MID2: variants seen among roughly 807,000 people sequenced by gnomAD.
The protein encoded by MID2 is probable E3 ubiquitin-protein ligase MID2.
In MID2, 13 loss-of-function variants were observed where a neutral mutation model predicts 46.1. The observed-to-expected ratio is 0.28, with a 90% confidence interval of 0.18 to 0.45. The LOEUF (loss-of-function observed/expected upper bound fraction) is 0.45. Among genes scored for constraint, MID2 ranks in the 20% least tolerant of loss-of-function variants. MID2 has a pLI of 1.00. For missense variants in MID2, 431 were observed against 575.4 expected, an observed-to-expected ratio of 0.75 and a Z score of 2.57; for synonymous variants, 199 against 212.3, an observed-to-expected ratio of 0.94 and a Z score of 0.55.
At chrX:107,841,406 C>G (rs1436760711) in intron 2 of MID2, 21 bp downstream of exon 2, 2 of 1,101,170 alleles carry the variant, frequency 1.8e-6, no homozygotes, top group Non-Finnish European at 2.5e-6. Flanking sequence ...TGGGGAGCAT[C>G]CCCTATACAA....
intron 3 of MID2, among the ~76,000 whole-genome samples, chrX:107,878,164 G>A (rs1356718362): frequency 9.0e-6 from 1 of 111,400 alleles, no homozygotes; most frequent in African/African-American, 3.3e-5. Flanking sequence ...GGGAGGGGAC[G>A]GTGAGTGGGA....
chrX:107,892,159 T>G (rs1932619895), intron 3 of MID2, among the ~76,000 whole-genome samples: 2 of 111,171 alleles, frequency 1.8e-5, no homozygotes, highest in Admixed American at 1.9e-4. Flanking sequence ...GTACAGAGAG[T>G]GGCTAAATGC....
At chrX:107,906,863 G>A in intron 5 of MID2, among the ~76,000 whole-genome samples, 1 of 112,573 alleles carries the variant, frequency 8.9e-6, no homozygotes, top group Non-Finnish European at 1.9e-5. Context: ...TGGGATTACA[G>A]GCGTGAGCCA....
chrX:107,829,981 T>C (rs1931056126), intron 1 of MID2, among the ~76,000 whole-genome samples: 1 of 112,101 alleles, frequency 8.9e-6, no homozygotes, highest in Non-Finnish European at 1.9e-5. Context: ...GATCCTAAAG[T>C]GGTGCCAGTG....
intron 2 of MID2, among the ~76,000 whole-genome samples, chrX:107,841,911 A>G: frequency 8.9e-6 from 1 of 112,588 alleles, no homozygotes; most frequent in East Asian, 2.8e-4. Flanking sequence ...TACTCAATAC[A>G]CTAAAGAAAC....
intron 3 of MID2, among the ~76,000 whole-genome samples, chrX:107,876,792 T>G (rs1202150393): frequency 8.9e-6 from 1 of 112,209 alleles, no homozygotes; most frequent in African/African-American, 3.2e-5. Flanking sequence ...AAAGCCTCTA[T>G]ACAACTGTCA....
intron 5 of MID2, among the ~76,000 whole-genome samples, chrX:107,908,241 T>C (rs955530020): frequency 5.3e-5 from 6 of 112,250 alleles, no homozygotes; most frequent in African/African-American, 1.6e-4. Flanking sequence ...TTCTGCAAAT[T>C]TGGACTTTTT....
intron 6 of MID2, 139 bp downstream of exon 6, chrX:107,916,268 C>G: frequency 2.0e-6 from 1 of 497,094 alleles, no homozygotes; most frequent in Non-Finnish European, 2.9e-6. Context: ...TCTTTTCAGA[C>G]AGAATATATT....
At position 107,840,720 on chromosome X, in the gene MID2, CTA is replaced by C; in HGVS notation, c.56_57del (p.Leu19GlnfsTer8). 2 of 1,211,731 alleles carry C rather than the reference CTA, an allele frequency of 1.7e-6. No individual in the cohort carries two copies. Among genetic ancestry groups the C allele is most frequent in the Non-Finnish European group, 2.2e-6 (2 of 895,469 alleles). ...VLNASGGLFS[L>X]KMETLESELT... ...TAATGCCTCAGGAGGACTATTTTCACTAAAGATGGAAACACTGGAGTCTGAAT... is the reference window on the plus strand; with the variant it reads ...TAATGCCTCAGGAGGACTATTTTCACAAGATGGAAACACTGGAGTCTGAAT... On this transcript the variant is annotated frameshift_variant, in exon 2 of 10. Transcript: ENST00000262843. LOFTEE classifies it high-confidence loss of function.
chrX:107,884,753 A>T (rs1254618137), intron 3 of MID2, among the ~76,000 whole-genome samples: 2 of 112,498 alleles, frequency 1.8e-5, no homozygotes. Flanking sequence ...TTGGCCTTGG[A>T]GTTAGGATGC....
rs1428231240 is a variant in MID2, at chrX:107,826,325, C to T, written c.-102C>T. The T allele has an allele frequency of 5.8e-5, 58 of 999,012 alleles. No homozygotes were observed. The highest frequency in any genetic ancestry group is 7.1e-5 in the Non-Finnish European group (54 of 761,428). The allele number at this position is 999,012 out of a possible 1,213,427, so 82.3% of individuals were successfully genotyped here. ...GTAGCGGCGGCGGCGGCGACCGGGG[C>T]CCGGGAGCTCGCGCCGGAGCCCGAG... On this transcript the variant is annotated 5_prime_UTR_variant, in exon 1 of 10. Coordinates refer to ENST00000262843, the MANE Select transcript of MID2 (RefSeq NM_012216.4).
intron 4 of MID2, among the ~76,000 whole-genome samples, chrX:107,904,675 A>G (rs1932821515): frequency 8.9e-6 from 1 of 112,044 alleles, no homozygotes; most frequent in Non-Finnish European, 1.9e-5. Flanking sequence ...GATAGGAAAC[A>G]TTGAACTTTT....
intron 1 of MID2, among the ~76,000 whole-genome samples, chrX:107,835,711 T>A (rs766284360): frequency 2.7e-5 from 3 of 112,147 alleles, no homozygotes; most frequent in Non-Finnish European, 5.6e-5. Flanking sequence ...GTTACTCATC[T>A]TTTTTAATCT....
chrX:107,842,972 C>T (rs1931382040), intron 2 of MID2, among the ~76,000 whole-genome samples: 1 of 112,138 alleles, frequency 8.9e-6, no homozygotes, highest in Non-Finnish European at 1.9e-5. Flanking sequence ...CTGTAGCCGG[C>T]TGCCACTTTG....
intron 1 of MID2, among the ~76,000 whole-genome samples, chrX:107,836,137 G>C (rs1256161719): frequency 8.9e-6 from 1 of 112,374 alleles, no homozygotes. Context: ...CCATCGAATG[G>C]TCTTGGAACC....
chrX:107,881,757 C>A (rs763082260), intron 3 of MID2, among the ~76,000 whole-genome samples: 2 of 112,051 alleles, frequency 1.8e-5, no homozygotes, highest in Admixed American at 1.9e-4. Flanking sequence ...TCATAAAATA[C>A]CTGATTCAAA....
chrX:107,897,093 T>C (rs1932752286), intron 3 of MID2, among the ~76,000 whole-genome samples: 1 of 111,907 alleles, frequency 8.9e-6, no homozygotes. Flanking sequence ...TTAACTCTTA[T>C]GTACTCCTCC....
intron 4 of MID2, 69 bp from the exon 5 acceptor site, chrX:107,905,409 G>GT (rs1480981900): frequency 4.4e-6 from 4 of 909,999 alleles, no homozygotes; most frequent in Non-Finnish European, 1.5e-6. Flanking sequence ...CCTTCATGTT[G>GT]TTTTTTATTG....
chrX:107,927,082 A>G lies in MID2; in HGVS notation c.*9A>G, dbSNP rs1215212795. Reference sequence around the variant, plus strand: ...TGAAAACCTGTCATTAAGTTTCAGGAGAGTATATAATTCACTGGCTCTCTA... The same window carrying G: ...TGAAAACCTGTCATTAAGTTTCAGGGGAGTATATAATTCACTGGCTCTCTA... On this transcript the variant is annotated 3_prime_UTR_variant, in exon 10 of 10. Transcript: ENST00000262843. 8.4e-7 allele frequency: 1 copy of G among 1,188,550 alleles called. No individual in the cohort carries two copies.
Sources: gnomAD v4.1 joint callset for allele counts (sites outside exome capture counted in the v4.1 genomes callset) on GRCh38, gnomAD v4.1.1 for gene constraint, MANE v1.5 for transcripts, NCBI Gene and HGNC (gene_info 2026-07-23, HGNC 2026-07-21) for gene names.